RIMBP2: variants seen among roughly 807,000 people sequenced by gnomAD.
RIMBP2 encodes the protein RIMS binding protein 2, also known as RIMS-binding protein 2.
In RIMBP2, 48 loss-of-function variants were observed where a neutral mutation model predicts 118.6. The ratio of observed to expected loss-of-function variants is 0.40; its 90% confidence interval spans 0.32 to 0.51. The LOEUF (loss-of-function observed/expected upper bound fraction) is 0.51, where lower values mean the gene tolerates loss of function less well. Among genes scored for constraint, RIMBP2 ranks in the 20% least tolerant of loss-of-function variants. The pLI is 0.41. For synonymous variants in RIMBP2, 762 were observed against 742.9 expected (o/e 1.03, Z -0.42); for missense variants, 1,551 against 1,768.3 (o/e 0.88, Z 2.20).
chr12:130,679,980 G>A lies in RIMBP2; in HGVS notation c.-352+36242C>T, dbSNP rs1265590985. ...CGCAGGGAGTGTGTTCGCCCGCCGT[G>A]GGAAGGATCCCTGAGTGTGATCATG... On this transcript the variant is annotated intron_variant, in intron 1 of 22. Transcript: ENST00000690449. 3.9e-5 allele frequency among the ~76,000 whole-genome samples: 6 copies of A among 152,124 alleles called. No individual in the cohort carries two copies. The East Asian group carries it at 1.2e-3, about 30-fold the overall frequency.
chr12:130,521,700 C>T (rs551439824), intron 2 of RIMBP2, among the ~76,000 whole-genome samples: 8 of 152,304 alleles, frequency 5.3e-5, no homozygotes, highest in Admixed American at 3.9e-4. Flanking sequence ...GGGACCCTGA[C>T]GGGGAGAACT....
In RIMBP2 at chr12:130,451,376, T is replaced by C. The variant is rs118081608; in HGVS notation, c.359-36A>G. The C allele has an allele frequency of 6.1e-3, 9,652 of 1,579,104 alleles. 35 individuals carry two copies. The highest frequency in any genetic ancestry group is 7.7e-3 in the Non-Finnish European group (8,922 of 1,156,094). On this transcript the variant is annotated intron_variant, in intron 7 of 22. Coordinates refer to ENST00000690449, the MANE Select transcript of RIMBP2 (RefSeq NM_001393629.1). ...ACATTAAAACAAGTTGAAACAAATA[T>C]GCGAATAACATCGTCAAAGCACGTT...
At chr12:130,650,958 T>TTTA (rs1555318449) in intron 1 of RIMBP2, among the ~76,000 whole-genome samples, 1 of 125,602 alleles carries the variant, frequency 8.0e-6, no homozygotes, top group African/African-American at 3.0e-5. Context: ...TTGTTTTTTT[T>TTTA]AAAAAAAAAA....
intron 6 of RIMBP2, among the ~76,000 whole-genome samples, chr12:130,468,233 C>T (rs565336840): frequency 1.4e-3 from 216 of 152,312 alleles, no homozygotes; most frequent in Non-Finnish European, 2.3e-3. Flanking sequence ...TCCCAGGGAA[C>T]GCACTGCTGA....
intron 1 of RIMBP2, among the ~76,000 whole-genome samples, chr12:130,643,306 G>A (rs1366161437): frequency 6.6e-6 from 1 of 152,240 alleles, no homozygotes; most frequent in Non-Finnish European, 1.5e-5. Flanking sequence ...CCTGTGATGT[G>A]TGTGGAGCAT....
intron 20 of RIMBP2, 133 bp from the exon 21 acceptor site, chr12:130,406,376 G>T: frequency 1.6e-6 from 1 of 618,012 alleles, no homozygotes; most frequent in Non-Finnish European, 2.8e-6. Flanking sequence ...GTCAAATAAA[G>T]GTAGAAGCTA....
intron 2 of RIMBP2, among the ~76,000 whole-genome samples, chr12:130,549,818 T>C (rs1269676188): frequency 6.6e-6 from 1 of 152,196 alleles, no homozygotes; most frequent in Non-Finnish European, 1.5e-5. Flanking sequence ...GCAATGAACA[T>C]TCATGCGCAT....
Position 130,428,271 on chromosome 12 carries a change from T to C in RIMBP2, c.2320A>G (p.Met774Val). The part of the protein sequence containing the change: ...SSRGSDLSDI[M>V]EEDEEELYSE... Reference sequence around the variant, plus strand: ...TACAGCTCCTCCTCGTCCTCCTCCATGATGTCTGAGAGGTCAGACCCCCGG... The same window carrying C: ...TACAGCTCCTCCTCGTCCTCCTCCACGATGTCTGAGAGGTCAGACCCCCGG... Residue 774 changes from methionine (M) to valine (V), a missense_variant, in exon 15 of 23, where the codon ATG becomes GTG. Met to Val is a conservative substitution (Grantham distance 21, BLOSUM62 1). Around this residue, in one of 5 missense-constraint regions of RIMBP2, gnomAD observed 1,038 missense variants for 1,125.1 expected, o/e 0.92. Transcript: ENST00000690449. 6.2e-7 allele frequency: 1 copy of C among 1,613,586 alleles called. No individual in the cohort carries two copies. Among genetic ancestry groups the C allele is most frequent in the Non-Finnish European group, 8.5e-7 (1 of 1,179,758 alleles).
intron 13 of RIMBP2, among the ~76,000 whole-genome samples, chr12:130,435,546 G>A (rs181687130): frequency 9.9e-5 from 15 of 152,218 alleles, no homozygotes; most frequent in East Asian, 3.9e-4. Context: ...AAGTGGAGCC[G>A]CATCCCACAG....
At chr12:130,595,941 CACTGAT>C (rs2059532933) in intron 2 of RIMBP2, among the ~76,000 whole-genome samples, 1 of 152,228 alleles carries the variant, frequency 6.6e-6, no homozygotes, top group African/African-American at 2.4e-5. Context: ...AGAAATCTAG[CACTGAT>C]ACCATGATAC....
chr12:130,549,595 G>A (rs761982558), intron 2 of RIMBP2, among the ~76,000 whole-genome samples: 1 of 152,154 alleles, frequency 6.6e-6, no homozygotes, highest in African/African-American at 2.4e-5. Flanking sequence ...ACCTACAAGT[G>A]AGAACATGCA....
At chr12:130,704,429 GC>G (rs1168583221) in intron 1 of RIMBP2, among the ~76,000 whole-genome samples, 1 of 152,046 alleles carries the variant, frequency 6.6e-6, no homozygotes, top group Non-Finnish European at 1.5e-5. Flanking sequence ...ACAAAAATTA[GC>G]CAGGCATGGT....
At chr12:130,493,027 G>A (rs12307031) in intron 4 of RIMBP2, among the ~76,000 whole-genome samples, 2 of 152,000 alleles carry the variant, frequency 1.3e-5, no homozygotes, top group Admixed American at 1.3e-4. Flanking sequence ...GCTATTCAGG[G>A]GACTGGGGCT....
intron 2 of RIMBP2, among the ~76,000 whole-genome samples, chr12:130,616,040 G>A (rs552024452): frequency 6.6e-6 from 1 of 152,344 alleles, no homozygotes; most frequent in African/African-American, 2.4e-5. Context: ...GAGTGACGCA[G>A]TCGGATGCAC....
Position 130,424,282 on chromosome 12 carries a change from G to A in RIMBP2, c.2989C>T (p.Pro997Ser), listed in dbSNP as rs941904863. The change falls in exon 16 of 23, where the codon CCC becomes TCC. Residue 997 changes from proline (P) to serine (S), a missense_variant. By Grantham distance (74) the Pro-to-Ser change is moderately conservative. Coordinates refer to ENST00000690449, the MANE Select transcript of RIMBP2 (RefSeq NM_001393629.1). The surrounding 1 kb of genome is among the most constrained non-coding windows in gnomAD (Gnocchi z 9.8). Reference protein sequence around the residue: ...DDPQPGPERPPPRKHGWGEPT... With the variant: ...DDPQPGPERPSPRKHGWGEPT... ...TCGCCCCAGCCGTGCTTCCTGGGGG[G>A]CGGCCTCTCCGGGCCGGGCTGGGGG... 9.3e-5 allele frequency: 114 copies of A among 1,231,542 alleles called. No homozygotes were observed. Among genetic ancestry groups the A allele is most frequent in the Middle Eastern group, 6.2e-4 (2 of 3,228 alleles). 76.3% of individuals were successfully genotyped at this position (1,231,542 alleles called of 1,614,324 possible). A position where few individuals can be genotyped will look rare whatever the true frequency, so the allele number is the denominator to read the frequency against.
intron 1 of RIMBP2, among the ~76,000 whole-genome samples, chr12:130,690,213 C>T (rs1175611322): frequency 6.6e-6 from 1 of 152,172 alleles, no homozygotes; most frequent in Non-Finnish European, 1.5e-5. Context: ...GCTGGGTTCT[C>T]CCAGGCGGCC....
chr12:130,630,678 T>C (rs140168355), intron 1 of RIMBP2, among the ~76,000 whole-genome samples: 1 of 152,142 alleles, frequency 6.6e-6, no homozygotes, highest in Non-Finnish European at 1.5e-5. Flanking sequence ...ATACTTCCCA[T>C]AACCGTTAGA....
chr12:130,535,294 T>G, intron 2 of RIMBP2, among the ~76,000 whole-genome samples: 1 of 151,486 alleles, frequency 6.6e-6, no homozygotes, highest in East Asian at 1.9e-4. Flanking sequence ...AGGCCAGGAG[T>G]TTGAGGCCAG....
At position 130,662,180 on chromosome 12, in the gene RIMBP2, C is replaced by T. The variant is rs544441285; in HGVS notation, c.-351-33724G>A. Among the ~76,000 whole-genome samples, 12 of 152,318 alleles carry T rather than the reference C, an allele frequency of 7.9e-5. 1 individual carries two copies. In the South Asian group the frequency reaches 2.3e-3, roughly 29 times the overall value. ...TCCAACAAATTCCCTAAATTTCACC[C>T]TCAATCCAGCCAGTAGCTGACCCGT... is the stretch of plus-strand genomic sequence containing the variant. On this transcript the variant is annotated intron_variant, in intron 1 of 22. Transcript: ENST00000690449.
Sources: allele counts gnomAD v4.1 joint callset (sites outside exome capture counted in the v4.1 genomes callset), GRCh38; gene constraint gnomAD v4.1.1; regional missense constraint gnomAD v4.1.1; non-coding constraint Gnocchi (gnomAD v3.1); transcripts MANE v1.5; gene names NCBI Gene and HGNC (gene_info 2026-07-23, HGNC 2026-07-21).